TRIM3: variants seen among roughly 807,000 people sequenced by gnomAD.
TRIM3 encodes the protein tripartite motif containing 3, also known as tripartite motif-containing protein 3.
A neutral mutation model predicts 66.6 loss-of-function variants in TRIM3; 13 were observed. That is an observed-to-expected ratio of 0.20 (90% CI 0.13 to 0.31). TRIM3 has a LOEUF of 0.31. Among genes scored for constraint, TRIM3 ranks in the 10% least tolerant of loss-of-function variants. The pLI is 1.00. For missense variants in TRIM3, 711 were observed against 1,020.4 expected, an observed-to-expected ratio of 0.70 and a Z score of 4.13; for synonymous variants, 406 against 411.7, an observed-to-expected ratio of 0.99 and a Z score of 0.17.
At position 6,450,715 on chromosome 11, in the gene TRIM3, G is replaced by A. The variant is rs1404712324; in HGVS notation, c.1871-94C>T. On this transcript the variant is annotated intron_variant, in intron 9 of 11. Coordinates refer to ENST00000345851, the MANE Select transcript of TRIM3 (RefSeq NM_033278.4). This position sits in a 1 kb window ranked among gnomAD's most constrained non-coding sequence, Gnocchi z 4.8. ...GAAGATAAAAGCTAGGGTGTTAGGAGAGGGGTGGGGTCTCCAGGACTGAGA... is the reference window on the plus strand; with the variant it reads ...GAAGATAAAAGCTAGGGTGTTAGGAAAGGGGTGGGGTCTCCAGGACTGAGA... 5.6e-6 allele frequency: 8 copies of A among 1,418,404 alleles called. No homozygotes were observed. The highest frequency in any genetic ancestry group is 7.9e-6 in the Non-Finnish European group (8 of 1,007,084). The allele number at this position is 1,418,404 out of a possible 1,614,324, so 87.9% of individuals were successfully genotyped here. A position where few individuals can be genotyped will look rare whatever the true frequency, so the allele number is the denominator to read the frequency against.
Position 6,456,668 on chromosome 11 carries a change from C to A in TRIM3, c.1058G>T (p.Arg353Leu). 1 of 1,606,804 alleles carries A rather than the reference C, an allele frequency of 6.2e-7. No homozygotes were observed. The highest frequency in any genetic ancestry group is 8.5e-7 in the Non-Finnish European group (1 of 1,176,048). Residue 353 changes from arginine to leucine, a missense_variant, in exon 6 of 12, where the codon CGG (arginine) becomes CTG (leucine). Arg to Leu is a moderately radical substitution (Grantham distance 102). Around this residue, in one of 3 missense-constraint regions of TRIM3, gnomAD observed 399 missense variants for 458.1 expected, o/e 0.87. Coordinates refer to ENST00000345851, the MANE Select transcript of TRIM3 (RefSeq NM_033278.4). The surrounding 1 kb of genome is among the most constrained non-coding windows in gnomAD (Gnocchi z 6.4). The stretch of plus-strand genomic sequence containing the variant: ...CTCAGCGCTGCCTGTGCGCACCAAC[C>A]GCCCGTCCTTGTCTTTGGTAGTGAC... ...LTVTTKDKDG[R>L]LVRTGSAELR...
intron 2 of TRIM3, among the ~76,000 whole-genome samples, chr11:6,460,747 T>C (rs1199525130): frequency 6.6e-6 from 1 of 152,112 alleles, no homozygotes; most frequent in African/African-American, 2.4e-5. Flanking sequence ...ATGCAAACTC[T>C]CCCATATCCT....
rs755229178 is a variant in TRIM3, at chr11:6,457,688, G to T, written c.515+8C>A. ...CCCCACCAGCCCAGGACCCTGCCCA[G>T]TGCCTACCGGCCACGCACAGCCTCG... On this transcript the variant is annotated splice_region_variant and intron_variant, in intron 4 of 11. Coordinates refer to ENST00000345851, the MANE Select transcript of TRIM3 (RefSeq NM_033278.4). The surrounding 1 kb of genome is among the most constrained non-coding windows in gnomAD (Gnocchi z 4.5). The T allele has an allele frequency of 6.2e-7, 1 of 1,609,636 alleles. No homozygotes were observed. The highest frequency in any genetic ancestry group is 8.5e-7 in the Non-Finnish European group (1 of 1,177,096).
At chr11:6,472,481 G>A (rs1850721270) in intron 1 of TRIM3, among the ~76,000 whole-genome samples, 1 of 147,658 alleles carries the variant, frequency 6.8e-6, no homozygotes, top group South Asian at 2.1e-4. Context: ...AGTCACCTGT[G>A]ACACTCTATG....
In TRIM3 at chr11:6,450,393, T is replaced by A. The variant is rs1382066094; in HGVS notation, c.1941+158A>T. ...ATCACTGTATCTCCAGCTTCTAGCATACTGCCTGGGACAAAGCAGCCATGC... is the reference window on the plus strand; with the variant it reads ...ATCACTGTATCTCCAGCTTCTAGCAAACTGCCTGGGACAAAGCAGCCATGC... On this transcript the variant is annotated intron_variant, in intron 10 of 11. Transcript: ENST00000345851. This position sits in a 1 kb window ranked among gnomAD's most constrained non-coding sequence, Gnocchi z 4.8. The A allele has an allele frequency of 1.5e-6, 1 of 653,892 alleles. No individual in the cohort carries two copies. The highest frequency in any genetic ancestry group is 1.8e-5 in the African/African-American group (1 of 55,334). The allele number at this position is 653,892 out of a possible 1,614,324, so 40.5% of individuals were successfully genotyped here.
Position 6,458,345 on chromosome 11 carries a change from T to C in TRIM3, c.132-49A>G. 6.7e-7 allele frequency: 1 copy of C among 1,497,926 alleles called. No homozygotes were observed. 92.8% of individuals were successfully genotyped at this position (1,497,926 alleles called of 1,614,324 possible). On this transcript the variant is annotated intron_variant, in intron 2 of 11. Coordinates refer to ENST00000345851, the MANE Select transcript of TRIM3 (RefSeq NM_033278.4). This position sits in a 1 kb window ranked among gnomAD's most constrained non-coding sequence, Gnocchi z 6.2. ...AACAGAGTGGGTGGGGTGGCATAAG[T>C]GCACCCTTCCTTATACTTCCCATGG...
Position 6,450,464 on chromosome 11 carries a change from G to A in TRIM3, c.1941+87C>T. 1 of 1,179,384 alleles carries A rather than the reference G, an allele frequency of 8.5e-7. No homozygotes were observed. Among genetic ancestry groups the A allele is most frequent in the South Asian group, 1.2e-5 (1 of 81,356 alleles). The allele number at this position is 1,179,384 out of a possible 1,614,324, so 73.1% of individuals were successfully genotyped here. A position where few individuals can be genotyped will look rare whatever the true frequency, so the allele number is the denominator to read the frequency against. ...TGTTTGAGTGAATGATCTCAAAGGGGAAAAGGAGGAGGTAAAATAGAGAGG... is the reference window on the plus strand; with the variant it reads ...TGTTTGAGTGAATGATCTCAAAGGGAAAAAGGAGGAGGTAAAATAGAGAGG... On this transcript the variant is annotated intron_variant, in intron 10 of 11. Transcript: ENST00000345851. The surrounding 1 kb of genome is among the most constrained non-coding windows in gnomAD (Gnocchi z 4.8).
chr11:6,456,517 C>G lies in TRIM3; in HGVS notation c.1209G>C (p.Leu403=), dbSNP rs1849988841. ...RTEGELLLSV[L]LYGQPVRGSP... is the part of the protein sequence containing the mutation. ...TGCCGCGCACTGGCTGTCCGTAGAGCAGCACCGAGAGGAGCAGCTCGCCTT... is the reference window on the plus strand; with the variant it reads ...TGCCGCGCACTGGCTGTCCGTAGAGGAGCACCGAGAGGAGCAGCTCGCCTT... Residue 403 remains leucine (L), a synonymous_variant, in exon 6 of 12, where the codon CTG becomes CTC. Coordinates refer to ENST00000345851, the MANE Select transcript of TRIM3 (RefSeq NM_033278.4). The surrounding 1 kb of genome is among the most constrained non-coding windows in gnomAD (Gnocchi z 6.4). The G allele has an allele frequency of 6.3e-7, 1 of 1,586,602 alleles. No homozygotes were observed. The highest frequency in any genetic ancestry group is 1.1e-5 in the South Asian group (1 of 89,322).
chr11:6,453,979 A>T (rs1459523592), intron 7 of TRIM3, among the ~76,000 whole-genome samples: 1 of 152,208 alleles, frequency 6.6e-6, no homozygotes, highest in African/African-American at 2.4e-5. Flanking sequence ...GTGGCGACAT[A>T]GAGGGCAGGT....
chr11:6,465,964 T>C (rs1486463581), intron 1 of TRIM3, among the ~76,000 whole-genome samples: 1 of 152,238 alleles, frequency 6.6e-6, no homozygotes, highest in Non-Finnish European at 1.5e-5. Context: ...TCTCACCAGC[T>C]ATGTGAGCTT....
At chr11:6,453,063 G>A (rs1398754823) in intron 7 of TRIM3, 1 of 152,164 alleles carries the variant, frequency 6.6e-6, no homozygotes, top group Non-Finnish European at 1.5e-5. Context: ...AAATATCGGT[G>A]TCCCCTTCTA....
chr11:6,458,184 TGAA>T lies in TRIM3; in HGVS notation c.241_243del (p.Phe81del). On this transcript the variant is annotated inframe_deletion, in exon 3 of 12. Coordinates refer to ENST00000345851, the MANE Select transcript of TRIM3 (RefSeq NM_033278.4). The surrounding 1 kb of genome is among the most constrained non-coding windows in gnomAD (Gnocchi z 6.2). Reference sequence around the variant, plus strand: ...TGCATTGCCTCCATGAGGCTGCTGATGAAGAAGTTGTTCTGCAGTGCCGAGACG... The same window carrying T: ...TGCATTGCCTCCATGAGGCTGCTGATGAAGTTGTTCTGCAGTGCCGAGACG... 1.2e-6 allele frequency: 2 copies of T among 1,614,202 alleles called. No individual in the cohort carries two copies. The highest frequency in any genetic ancestry group is 8.5e-7 in the Non-Finnish European group (1 of 1,180,038).
Position 6,449,434 on chromosome 11 carries a change from C to T in TRIM3, c.1954G>A (p.Asp652Asn), listed in dbSNP as rs776343735. The T allele has an allele frequency of 3.1e-6, 5 of 1,613,728 alleles. No homozygotes were observed. The highest frequency in any genetic ancestry group is 3.3e-5 in the Admixed American group (2 of 59,994). ...CCAAACTTGAAGAGGAACTCTCCAT[C>T]GGCACTGTACACCTGGCGGGGGAAG... ...HNHSVKVYSA[D>N]GEFLFKFGSH... Residue 652 changes from aspartate to asparagine, a missense_variant, in exon 11 of 12, where the codon GAT becomes AAT. This residue lies in a region of TRIM3 where 163 missense variants were observed against 321.9 expected (regional missense o/e 0.51). Transcript: ENST00000345851. This position sits in a 1 kb window ranked among gnomAD's most constrained non-coding sequence, Gnocchi z 5.3.
chr11:6,464,566 T>C (rs1244925396), intron 2 of TRIM3, among the ~76,000 whole-genome samples: 1 of 152,260 alleles, frequency 6.6e-6, no homozygotes, highest in Non-Finnish European at 1.5e-5. Flanking sequence ...CACTATACTG[T>C]TAGCTCTTTA....
rs145092543 is a variant in TRIM3, at chr11:6,467,341, G to T, written c.-37-1609C>A. 6.6e-4 allele frequency among the ~76,000 whole-genome samples: 100 copies of T among 152,294 alleles called. 1 individual carries two copies. The highest frequency in any genetic ancestry group is 2.4e-3 in the African/African-American group (99 of 41,556). On this transcript the variant is annotated intron_variant, in intron 1 of 11. Transcript: ENST00000345851. Reference sequence around the variant, plus strand: ...TAGGCTGAAGAAACAGCATGATAAAGGTTCTTAGGCAGAAGGCTCATGGAG... The same window carrying T: ...TAGGCTGAAGAAACAGCATGATAAATGTTCTTAGGCAGAAGGCTCATGGAG...
intron 2 of TRIM3, among the ~76,000 whole-genome samples, chr11:6,460,714 T>C (rs1209290784): frequency 3.3e-5 from 5 of 152,112 alleles, no homozygotes; most frequent in African/African-American, 9.7e-5. Context: ...GGACCTCAAA[T>C]TTGTGGAGTG....
Position 6,456,764 on chromosome 11 carries a change from G to A in TRIM3, c.962C>T (p.Thr321Ile), listed in dbSNP as rs774124535. 4 of 1,611,848 alleles carry A rather than the reference G, an allele frequency of 2.5e-6. No individual in the cohort carries two copies. In the East Asian group the frequency reaches 8.9e-5, roughly 36 times the overall value. ...NLGALLTTSA[T>I]AHETVATGEG... ...TCCCGTGGCCACCGTTTCGTGTGCA[G>A]TGGCGCTCGTGGTGAGCAGTGCGCC... The change falls in exon 6 of 12, where the codon ACT becomes ATT. Residue 321 changes from threonine (T) to isoleucine (I), a missense_variant. Transcript: ENST00000345851. This position sits in a 1 kb window ranked among gnomAD's most constrained non-coding sequence, Gnocchi z 6.4.
At position 6,457,034 on chromosome 11, in the gene TRIM3, T is replaced by C; in HGVS notation, c.697-5A>G. 2 of 1,582,622 alleles carry C rather than the reference T, an allele frequency of 1.3e-6. No homozygotes were observed. Among genetic ancestry groups the C allele is most frequent in the Non-Finnish European group, 8.6e-7 (1 of 1,164,058 alleles). Reference sequence around the variant, plus strand: ...GTCCAGCTGGCTTTGCAACACCTGATGAGGGGTAGGGGAGGAGTGGGTGAG... The same window carrying C: ...GTCCAGCTGGCTTTGCAACACCTGACGAGGGGTAGGGGAGGAGTGGGTGAG... On this transcript the variant is annotated splice_region_variant and splice_polypyrimidine_tract_variant and intron_variant, in intron 5 of 11. Coordinates refer to ENST00000345851, the MANE Select transcript of TRIM3 (RefSeq NM_033278.4). The surrounding 1 kb of genome is among the most constrained non-coding windows in gnomAD (Gnocchi z 4.5).
At chr11:6,471,743 G>A (rs1850692252) in intron 1 of TRIM3, among the ~76,000 whole-genome samples, 1 of 152,208 alleles carries the variant, frequency 6.6e-6, no homozygotes, top group Non-Finnish European at 1.5e-5. Context: ...ACCTAACTCT[G>A]AGGATGGTAC....
Sources: gnomAD v4.1 joint callset for allele counts (sites outside exome capture counted in the v4.1 genomes callset) on GRCh38, gnomAD v4.1.1 for gene constraint, gnomAD v4.1.1 regional missense constraint, Gnocchi (gnomAD v3.1) non-coding constraint, MANE v1.5 for transcripts, NCBI Gene and HGNC (gene_info 2026-07-23, HGNC 2026-07-21) for gene names.